C3orf49: variants seen among roughly 807,000 people sequenced by gnomAD.
C3orf49 encodes the protein chromosome 3 open reading frame 49, also known as putative uncharacterized protein C3orf49.
C3orf49 carries 27 observed loss-of-function variants against 13.3 expected under a neutral mutation model. The ratio of observed to expected loss-of-function variants is 2.02; its 90% CI spans 1.49 to 2.79. C3orf49 has a LOEUF of 2.79. Ranked by LOEUF, C3orf49 falls within the 30% of genes most tolerant of loss-of-function variation. C3orf49 has a pLI of 0.00. For missense variants in C3orf49, 242 were observed against 134.2 expected (o/e 1.80, Z -3.97); for synonymous variants, 87 against 47.6 (o/e 1.83, Z -3.40).
At chr3:63,828,110 G>A (rs115040682) in intron 3 of C3orf49, among the ~76,000 whole-genome samples, 18 of 152,332 alleles carry the variant, frequency 1.2e-4, no homozygotes, top group South Asian at 6.2e-4. Context: ...TATAGTAGCC[G>A]TTAGCCACAT....
chr3:63,792,103 T>C, the C3orf49 span, among the ~76,000 whole-genome samples: 2 of 152,240 alleles, frequency 1.3e-5, no homozygotes, highest in Non-Finnish European at 2.9e-5. Flanking sequence ...TGCAATTGTT[T>C]GGACTTTATT....
intron 5 of C3orf49, among the ~76,000 whole-genome samples, chr3:63,834,860 GTTATA>G (rs1416455668): frequency 6.6e-6 from 1 of 152,030 alleles, no homozygotes. Context: ...GTCCTGAGTT[GTTATA>G]TTATAGTAGT....
the C3orf49 span, among the ~76,000 whole-genome samples, chr3:63,796,394 G>T: frequency 1.3e-5 from 2 of 152,096 alleles, no homozygotes; most frequent in African/African-American, 4.8e-5. Context: ...AGAAGATCCA[G>T]AATCCTTACC....
chr3:63,810,472 T>C, the C3orf49 span, among the ~76,000 whole-genome samples: 1 of 152,180 alleles, frequency 6.6e-6, no homozygotes, highest in Non-Finnish European at 1.5e-5. Flanking sequence ...CATAAAATGA[T>C]CCTTTTTTGC....
At chr3:63,785,431 C>A in the C3orf49 span, among the ~76,000 whole-genome samples, 1 of 152,056 alleles carries the variant, frequency 6.6e-6, no homozygotes, top group Admixed American at 6.5e-5. Context: ...CCTCAGCTTT[C>A]ATAATAGAAA....
chr3:63,837,734 A>G (rs1023983013), intron 5 of C3orf49, among the ~76,000 whole-genome samples: 9 of 152,120 alleles, frequency 5.9e-5, no homozygotes, highest in Non-Finnish European at 8.8e-5. Context: ...GGATAAGAAA[A>G]AAAAAGAGAA....
At chr3:63,844,802 T>A (rs1474939530) in intron 5 of C3orf49, among the ~76,000 whole-genome samples, 1 of 152,190 alleles carries the variant, frequency 6.6e-6, no homozygotes, top group Non-Finnish European at 1.5e-5. Context: ...TCCCACCCTC[T>A]AGAACCATAA....
chr3:63,807,857 C>CAAAAAAAA, the C3orf49 span, among the ~76,000 whole-genome samples: 107 of 31,578 alleles, frequency 3.4e-3, no homozygotes, highest in Middle Eastern at 0.017. Flanking sequence ...AACTTCATCT[C>CAAAAAAAA]AAAAAAAAAA....
the C3orf49 span, among the ~76,000 whole-genome samples, chr3:63,809,953 G>A: frequency 6.6e-6 from 1 of 152,068 alleles, no homozygotes; most frequent in Admixed American, 6.6e-5. Context: ...TTCAAGACGA[G>A]CCTGGCTAAC....
the C3orf49 span, among the ~76,000 whole-genome samples, chr3:63,808,194 C>T: frequency 6.6e-6 from 1 of 152,144 alleles, no homozygotes; most frequent in Non-Finnish European, 1.5e-5. Context: ...GGAAGCTCCT[C>T]ATTGTTATTT....
At chr3:63,796,569 C>G in the C3orf49 span, among the ~76,000 whole-genome samples, 1 of 152,172 alleles carries the variant, frequency 6.6e-6, no homozygotes, top group Non-Finnish European at 1.5e-5. Flanking sequence ...CAGCAACATT[C>G]TACCCCAAGA....
chr3:63,780,475 T>A, the C3orf49 span, among the ~76,000 whole-genome samples: 2 of 152,216 alleles, frequency 1.3e-5, no homozygotes, highest in African/African-American at 2.4e-5. Context: ...TACAGCAGCA[T>A]GTTTTATAAT....
the C3orf49 span, among the ~76,000 whole-genome samples, chr3:63,803,506 C>T: frequency 6.6e-6 from 1 of 152,204 alleles, no homozygotes; most frequent in South Asian, 2.1e-4. Context: ...TGAAGCCAAA[C>T]CAGGCTAGAT....
chr3:63,785,653 G>A, the C3orf49 span, among the ~76,000 whole-genome samples: 6 of 152,068 alleles, frequency 3.9e-5, no homozygotes, highest in Admixed American at 1.3e-4. Flanking sequence ...TGTATTACAC[G>A]GTGAATGAAT....
chr3:63,788,160 G>C, the C3orf49 span, among the ~76,000 whole-genome samples: 3 of 152,288 alleles, frequency 2.0e-5, no homozygotes, highest in East Asian at 5.8e-4. Flanking sequence ...CAGTTACTCT[G>C]ACCCTGTGCT....
chr3:63,808,530 GA>G, the C3orf49 span, among the ~76,000 whole-genome samples: 1 of 152,066 alleles, frequency 6.6e-6, no homozygotes, highest in African/African-American at 2.4e-5. Flanking sequence ...AATTTCAGCT[GA>G]GCTTTTTCTT....
At chr3:63,807,582 C>T in the C3orf49 span, among the ~76,000 whole-genome samples, 1 of 151,934 alleles carries the variant, frequency 6.6e-6, no homozygotes, top group Non-Finnish European at 1.5e-5. Context: ...GTTGGCTGGG[C>T]AAGTGGCTCA....
chr3:63,811,431 G>A, the C3orf49 span, among the ~76,000 whole-genome samples: 1 of 151,930 alleles, frequency 6.6e-6, no homozygotes, highest in Non-Finnish European at 1.5e-5. Context: ...GGGGGCGGAG[G>A]CCTGTAATCC....
At chr3:63,844,972 A>G (rs564130113) in intron 5 of C3orf49, 51 bp from the exon 6 acceptor site, 30 of 658,132 alleles carry the variant, frequency 4.6e-5, no homozygotes, top group Middle Eastern at 4.9e-4. Context: ...TAGAATCATA[A>G]ATAAAGACAA....
Sources: gnomAD v4.1 joint callset for allele counts (sites outside exome capture counted in the v4.1 genomes callset) on GRCh38, gnomAD v4.1.1 for gene constraint, MANE v1.5 for transcripts, NCBI Gene and HGNC (gene_info 2026-07-23, HGNC 2026-07-21) for gene names.